Variants in KCNQ5 observed in about 807,000 individuals in gnomAD.
KCNQ5 encodes the protein potassium voltage-gated channel subfamily Q member 5, also known as potassium voltage-gated channel subfamily KQT member 5.
In KCNQ5, 30 loss-of-function variants were observed where a neutral mutation model predicts 98.2. The ratio of observed to expected loss-of-function variants is 0.31; its 90% CI spans 0.23 to 0.41. The LOEUF is 0.41. Among genes scored for constraint, KCNQ5 ranks in the 10% least tolerant of loss-of-function variants. The pLI, the probability that KCNQ5 is intolerant of heterozygous loss-of-function variation, is 1.00. For missense variants in KCNQ5, 835 were observed against 1,182.5 expected (o/e 0.71, Z 4.31); for synonymous variants, 458 against 449.4 (o/e 1.02, Z -0.24).
At chr6:73,161,790 G>A (rs1015995047) in intron 10 of KCNQ5, among the ~76,000 whole-genome samples, 5 of 152,054 alleles carry the variant, frequency 3.3e-5, no homozygotes, top group Admixed American at 1.3e-4. Context: ...TTCCAAAATG[G>A]TCTTCTTTAC....
chr6:72,962,574 C>T (rs905722555), intron 1 of KCNQ5, among the ~76,000 whole-genome samples: 1 of 152,046 alleles, frequency 6.6e-6, no homozygotes, highest in African/African-American at 2.4e-5. Flanking sequence ...TGCATGGTGG[C>T]CTTGAAAGGC....
intron 2 of KCNQ5, among the ~76,000 whole-genome samples, chr6:73,024,823 G>A (rs1008913337): frequency 1.3e-5 from 2 of 152,146 alleles, no homozygotes; most frequent in Admixed American, 1.3e-4. Flanking sequence ...TATGAATCAG[G>A]CCCTAGCCTA....
At chr6:72,854,787 T>A in intron 1 of KCNQ5, among the ~76,000 whole-genome samples, 1 of 142,536 alleles carries the variant, frequency 7.0e-6, no homozygotes, top group Non-Finnish European at 1.5e-5. Context: ...TGTGTGTGCG[T>A]GCGTAGATTA....
At chr6:72,820,529 C>T (rs1015416874) in intron 1 of KCNQ5, among the ~76,000 whole-genome samples, 4 of 150,918 alleles carry the variant, frequency 2.7e-5, no homozygotes, top group African/African-American at 9.8e-5. Context: ...AGTTTATCTA[C>T]GAATTCCAAA....
chr6:72,804,277 CTA>C (rs1774833839), intron 1 of KCNQ5, among the ~76,000 whole-genome samples: 1 of 152,002 alleles, frequency 6.6e-6, no homozygotes, highest in Non-Finnish European at 1.5e-5. Context: ...TTCTATCTAA[CTA>C]TATGTTTGTA....
chr6:73,124,974 TATATATAC>T (rs1285831063), intron 9 of KCNQ5, among the ~76,000 whole-genome samples: 25 of 17,630 alleles, frequency 1.4e-3, no homozygotes, highest in South Asian at 3.8e-3. Flanking sequence ...TATATATATA[TATATATAC>T]ACACACACAC....
At chr6:72,648,789 TTA>T (rs200267252) in intron 1 of KCNQ5, among the ~76,000 whole-genome samples, 18,032 of 143,324 alleles carry the variant, frequency 0.13, 1,178 homozygotes, top group East Asian at 0.22. Context: ...TTTTTTTTTT[TTA>T]ATTCTCAGAG....
rs71540369 is a variant in KCNQ5, at chr6:73,193,836, C to CTT, written c.1837-598_1837-597dup. ...AGACAATCTGACAGGAATGGGAAGT[C>CTT]TTTTTTTTTTTTTTTTTTTCAGACA... On this transcript the variant is annotated intron_variant, in intron 13 of 13. Coordinates refer to ENST00000370398, the MANE Select transcript of KCNQ5 (RefSeq NM_019842.4). Among the ~76,000 whole-genome samples, 226 of 124,530 alleles carry CTT rather than the reference C, an allele frequency of 1.8e-3. 1 individual carries two copies. The highest frequency in any genetic ancestry group is 4.5e-3 in the African/African-American group (153 of 33,664). The allele number at this position is 124,530 out of a possible 152,430, so 81.7% of individuals were successfully genotyped here. A position where few individuals can be genotyped will look rare whatever the true frequency, so the allele number is the denominator to read the frequency against.
At chr6:73,179,245 G>A (rs1328037814) in intron 11 of KCNQ5, among the ~76,000 whole-genome samples, 1 of 152,016 alleles carries the variant, frequency 6.6e-6, no homozygotes, top group Non-Finnish European at 1.5e-5. Flanking sequence ...GTCCAAGGTG[G>A]GCAGGTGTAT....
At chr6:72,754,020 C>T (rs965824949) in intron 1 of KCNQ5, among the ~76,000 whole-genome samples, 2 of 151,890 alleles carry the variant, frequency 1.3e-5, no homozygotes, top group Admixed American at 1.3e-4. Context: ...ATTTTGATTT[C>T]TTTTTTGTAC....
At chr6:72,974,111 C>T (rs551624279) in intron 1 of KCNQ5, among the ~76,000 whole-genome samples, 1 of 152,270 alleles carries the variant, frequency 6.6e-6, no homozygotes, top group South Asian at 2.1e-4. Context: ...CTTTGTAATA[C>T]TCTAAACCGA....
intron 1 of KCNQ5, among the ~76,000 whole-genome samples, chr6:72,879,750 G>T (rs1203463852): frequency 2.0e-5 from 3 of 151,924 alleles, no homozygotes; most frequent in Non-Finnish European, 4.4e-5. Flanking sequence ...ATTTGGAGGG[G>T]TTTTTTTGTG....
Position 72,971,350 on chromosome 6 carries a change from G to A in KCNQ5, c.399-32558G>A, listed in dbSNP as rs1235087815. On this transcript the variant is annotated intron_variant, in intron 1 of 13. Coordinates refer to ENST00000370398, the MANE Select transcript of KCNQ5 (RefSeq NM_019842.4). ...TCATTAAAAAGTCAGGAAACAACCG[G>A]TGCTGGAGAGGATGTGGAAAAACAG... 4.6e-5 allele frequency among the ~76,000 whole-genome samples: 7 copies of A among 152,258 alleles called. No individual in the cohort carries two copies. The East Asian group carries it at 1.4e-3, about 29-fold the overall frequency.
intron 1 of KCNQ5, among the ~76,000 whole-genome samples, chr6:72,664,460 C>T (rs1766692104): frequency 6.6e-6 from 1 of 151,882 alleles, no homozygotes; most frequent in African/African-American, 2.4e-5. Flanking sequence ...TTGAAACCAG[C>T]CTGGCCAACA....
intron 1 of KCNQ5, among the ~76,000 whole-genome samples, chr6:72,802,607 G>T (rs1400731376): frequency 6.6e-6 from 1 of 152,016 alleles, no homozygotes; most frequent in Admixed American, 6.6e-5. Context: ...GTCTCATTTT[G>T]GTAACATAGA....
At chr6:72,877,085 T>C (rs2150168742) in intron 1 of KCNQ5, among the ~76,000 whole-genome samples, 1 of 152,300 alleles carries the variant, frequency 6.6e-6, no homozygotes, top group East Asian at 1.9e-4. Context: ...CTGGGATACA[T>C]GTACAGAATG....
At chr6:73,080,172 G>A (rs567167966) in intron 5 of KCNQ5, among the ~76,000 whole-genome samples, 16 of 152,182 alleles carry the variant, frequency 1.1e-4, no homozygotes, top group Admixed American at 4.6e-4. Flanking sequence ...TAACCCACAC[G>A]GTAGGTTTTC....
chr6:73,024,669 A>T (rs1436886522), intron 2 of KCNQ5, among the ~76,000 whole-genome samples: 2 of 152,216 alleles, frequency 1.3e-5, no homozygotes. Flanking sequence ...CTTTGTTTTA[A>T]TTATAAGATG....
chr6:73,028,490 C>T (rs1212336450), intron 2 of KCNQ5, among the ~76,000 whole-genome samples: 1 of 152,224 alleles, frequency 6.6e-6, no homozygotes, highest in Non-Finnish European at 1.5e-5. Flanking sequence ...ACCCCGTTCA[C>T]TCTGACCCAG....
Sources: allele counts gnomAD v4.1 joint callset (sites outside exome capture counted in the v4.1 genomes callset), GRCh38; gene constraint gnomAD v4.1.1; transcripts MANE v1.5; gene names NCBI Gene and HGNC (gene_info 2026-07-23, HGNC 2026-07-21).